UBXN2A: variants seen among roughly 807,000 people sequenced by gnomAD.
UBXN2A encodes UBX domain-containing protein 2A.
A neutral mutation model predicts 28.4 loss-of-function variants in UBXN2A; 28 were observed. The ratio of observed to expected loss-of-function variants is 0.99; its 90% CI spans 0.73 to 1.35. The LOEUF is 1.35. Ranked by LOEUF, UBXN2A falls within the 40% of genes most tolerant of loss-of-function variation. UBXN2A has a pLI of 0.00. For missense variants in UBXN2A, 253 were observed against 297.9 expected (o/e 0.85, Z 1.11); for synonymous variants, 97 against 103.6 (o/e 0.94, Z 0.39).
At chr2:23,982,841 T>C in intron 4 of UBXN2A, 55 bp from the exon 5 acceptor site, 1 of 1,526,170 alleles carries the variant, frequency 6.6e-7, no homozygotes, top group Non-Finnish European at 8.8e-7. Context: ...AGAATGTTTT[T>C]CAGAGAAATA....
At chr2:23,939,131 T>G (rs1705627412), upstream of UBXN2A, among the ~76,000 whole-genome samples, 1 of 152,096 alleles carries the variant, frequency 6.6e-6, no homozygotes, top group Admixed American at 6.6e-5. Flanking sequence ...AACCGAGACT[T>G]TATTCGGAAA....
intron 5 of UBXN2A, 144 bp from the exon 6 acceptor site, chr2:23,984,529 T>C: frequency 1.6e-6 from 1 of 608,574 alleles, no homozygotes; most frequent in Non-Finnish European, 2.4e-6. Flanking sequence ...TAATATATCT[T>C]TCTGTTATTA....
At chr2:23,984,930 C>A in intron 6 of UBXN2A, 99 bp downstream of exon 6, 1 of 1,324,802 alleles carries the variant, frequency 7.5e-7, no homozygotes, top group Non-Finnish European at 1.0e-6. Flanking sequence ...GAGATAGAAT[C>A]TTTCTTTGTT....
intron 1 of UBXN2A, among the ~76,000 whole-genome samples, chr2:23,940,953 T>TTA (rs1408223648): frequency 6.6e-6 from 1 of 152,112 alleles, no homozygotes; most frequent in Non-Finnish European, 1.5e-5. Flanking sequence ...GTTCCGAAAC[T>TTA]TACAGTTATG....
At chr2:23,993,783 G>T (rs769117709) in intron 6 of UBXN2A, among the ~76,000 whole-genome samples, 1 of 150,582 alleles carries the variant, frequency 6.6e-6, no homozygotes, top group Non-Finnish European at 1.5e-5. Context: ...TGCCTCCCTG[G>T]TTCAAGCAAT....
rs753398519 is a variant in UBXN2A at position 23,941,793 on chromosome 2, C to T, written c.-15+1145C>T. The stretch of plus-strand genomic sequence containing the variant: ...ACAGATATTAAGCAAATAATCAGGG[C>T]CCGGAGCGATGGCTCACGCCTGTAA... On this transcript the variant is annotated intron_variant, in intron 1 of 6. Transcript: ENST00000309033. Among the ~76,000 whole-genome samples, 5 of 152,256 alleles carry T rather than the reference C, an allele frequency of 3.3e-5. No homozygotes were observed. The South Asian group carries it at 6.2e-4, about 19-fold the overall frequency.
At chr2:23,954,756 CTTT>C (rs35258355) in intron 1 of UBXN2A, among the ~76,000 whole-genome samples, 5 of 133,582 alleles carry the variant, frequency 3.7e-5, no homozygotes, top group Non-Finnish European at 3.3e-5. Context: ...TTTTGCATAT[CTTT>C]TTTTTTTTTT....
At chr2:23,961,141 G>T (rs869293001) in intron 2 of UBXN2A, among the ~76,000 whole-genome samples, 2 of 151,588 alleles carry the variant, frequency 1.3e-5, no homozygotes, top group Non-Finnish European at 2.9e-5. Flanking sequence ...TGTCACCCAG[G>T]CTGGGGTGCA....
chr2:23,960,548 C>T lies in UBXN2A; in HGVS notation c.41+2193C>T, dbSNP rs964672889. The stretch of plus-strand genomic sequence containing the variant: ...TGCAGTCATTAACATAGTCAATTTT[C>T]GCGCATTTATATTACCCCAAAGAGA... On this transcript the variant is annotated intron_variant, in intron 2 of 6. Transcript: ENST00000309033. 2.6e-5 allele frequency among the ~76,000 whole-genome samples: 4 copies of T among 152,068 alleles called. No individual in the cohort carries two copies. In the South Asian group the frequency reaches 6.2e-4, roughly 24 times the overall value.
chr2:23,994,099 G>C (rs757019696), intron 6 of UBXN2A, among the ~76,000 whole-genome samples: 5 of 152,112 alleles, frequency 3.3e-5, no homozygotes, highest in Non-Finnish European at 5.9e-5. Flanking sequence ...GGTTTTTCTA[G>C]CACATCAGCT....
intron 1 of UBXN2A, among the ~76,000 whole-genome samples, chr2:23,943,122 G>C (rs1033502559): frequency 6.6e-6 from 1 of 151,762 alleles, no homozygotes; most frequent in Non-Finnish European, 1.5e-5. Flanking sequence ...TGCCTGGCTA[G>C]TTTTTTGTAT....
At chr2:23,990,953 G>T (rs892348171) in intron 6 of UBXN2A, among the ~76,000 whole-genome samples, 1 of 152,030 alleles carries the variant, frequency 6.6e-6, no homozygotes, top group Non-Finnish European at 1.5e-5. Flanking sequence ...CTACCCACCA[G>T]CTTGGATATT....
At chr2:23,950,384 T>C (rs1346663297) in intron 1 of UBXN2A, among the ~76,000 whole-genome samples, 1 of 152,088 alleles carries the variant, frequency 6.6e-6, no homozygotes, top group East Asian at 1.9e-4. Context: ...GGAAATATTT[T>C]ATTTTATTTT....
At chr2:23,963,699 A>G (rs1268381904) in intron 2 of UBXN2A, among the ~76,000 whole-genome samples, 2 of 152,114 alleles carry the variant, frequency 1.3e-5, no homozygotes, top group African/African-American at 2.4e-5. Context: ...GTTGATGGGG[A>G]TGCAAAATGG....
At chr2:23,970,950 C>T (rs765117046) in intron 2 of UBXN2A, among the ~76,000 whole-genome samples, 1 of 152,076 alleles carries the variant, frequency 6.6e-6, no homozygotes, top group Non-Finnish European at 1.5e-5. Context: ...TTTGCTTGTT[C>T]GCCTGTCACT....
At chr2:23,970,655 T>C (rs1707375959) in intron 2 of UBXN2A, among the ~76,000 whole-genome samples, 1 of 152,020 alleles carries the variant, frequency 6.6e-6, no homozygotes, top group Non-Finnish European at 1.5e-5. Flanking sequence ...TATTATTACA[T>C]TGTAGTGTAT....
chr2:23,989,129 A>G (rs893971337), intron 6 of UBXN2A, among the ~76,000 whole-genome samples: 1 of 152,088 alleles, frequency 6.6e-6, no homozygotes, highest in African/African-American at 2.4e-5. Flanking sequence ...CACACGCCAA[A>G]AAGAAAACTA....
At chr2:23,952,508 G>A (rs1241894860) in intron 1 of UBXN2A, among the ~76,000 whole-genome samples, 3 of 152,008 alleles carry the variant, frequency 2.0e-5, no homozygotes, top group Admixed American at 6.6e-5. Flanking sequence ...GCAATGGCGC[G>A]ATGTCAGCTC....
chr2:23,929,459 C>T (rs577859171), intron 1 of UBXN2A, among the ~76,000 whole-genome samples: 2 of 150,572 alleles, frequency 1.3e-5, no homozygotes, highest in South Asian at 4.2e-4. Context: ...TGCCTGTAAT[C>T]TCAGCACTTT....
Sources: gnomAD v4.1 joint callset for allele counts (sites outside exome capture counted in the v4.1 genomes callset) on GRCh38, gnomAD v4.1.1 for gene constraint, MANE v1.5 for transcripts, NCBI Gene and HGNC (gene_info 2026-07-23, HGNC 2026-07-21) for gene names.